The following BCAS3 variants were observed in gnomAD, a reference collection of about 807,000 sequenced individuals.
The protein encoded by BCAS3 is BCAS4/BCAS3 fusion.
In BCAS3, 53 loss-of-function variants were observed where a neutral mutation model predicts 116.1. That is an observed-to-expected ratio of 0.46 (90% CI 0.37 to 0.57). The LOEUF (loss-of-function observed/expected upper bound fraction) is 0.57, where lower values mean the gene tolerates loss of function less well. BCAS3 is among the 20% of genes least tolerant of loss of function. The pLI, the probability that BCAS3 is intolerant of heterozygous loss-of-function variation, is 0.00. For missense variants in BCAS3, 917 were observed against 1,165.4 expected (o/e 0.79, Z 3.10); for synonymous variants, 391 against 408.2 (o/e 0.96, Z 0.51).
chr17:61,176,138 CAAAAAAAA>C (rs534042215), intron 22 of BCAS3, among the ~76,000 whole-genome samples: 2 of 50,040 alleles, frequency 4.0e-5, no homozygotes, highest in African/African-American at 6.6e-5. Context: ...GACCCTATCT[CAAAAAAAA>C]AAAAAAAAAA....
At chr17:61,238,770 C>G (rs1424627991) in intron 22 of BCAS3, among the ~76,000 whole-genome samples, 1 of 151,906 alleles carries the variant, frequency 6.6e-6, no homozygotes, top group Non-Finnish European at 1.5e-5. Context: ...CTTTCCTGTC[C>G]TCTTTGATAT....
At position 61,203,528 on chromosome 17, in the gene BCAS3, G is replaced by A. The variant is rs1311108521; in HGVS notation, c.2425+118964G>A. ...GGGAACCAAAAAGATAGTTTATGAA[G>A]AACTTAACAGTTTCCACATTGCCAT... On this transcript the variant is annotated intron_variant, in intron 22 of 23. Transcript: ENST00000407086. This position sits in a 1 kb window ranked among gnomAD's most constrained non-coding sequence, Gnocchi z 5.7. Among the ~76,000 whole-genome samples the A allele has an allele frequency of 6.6e-6, 1 of 152,118 alleles. No individual in the cohort carries two copies. The highest frequency in any genetic ancestry group is 2.4e-5 in the African/African-American group (1 of 41,418).
At chr17:60,798,287 T>A (rs1399049892) in intron 6 of BCAS3, among the ~76,000 whole-genome samples, 1 of 152,248 alleles carries the variant, frequency 6.6e-6, no homozygotes, top group Non-Finnish European at 1.5e-5. Flanking sequence ...TCCACCATTT[T>A]AGCATCATAC....
At chr17:60,687,577 C>T (rs890427644) in intron 3 of BCAS3, among the ~76,000 whole-genome samples, 2 of 150,392 alleles carry the variant, frequency 1.3e-5, no homozygotes, top group East Asian at 1.9e-4. Context: ...GCACTCCAGC[C>T]GGGGTGACAG....
At chr17:60,736,662 T>G (rs557922671) in intron 5 of BCAS3, among the ~76,000 whole-genome samples, 3 of 152,182 alleles carry the variant, frequency 2.0e-5, no homozygotes, top group African/African-American at 2.4e-5. Flanking sequence ...GCTTTCTATT[T>G]TGGAAGGTTA....
chr17:61,305,427 C>G (rs1443725437), intron 22 of BCAS3, among the ~76,000 whole-genome samples: 2 of 152,148 alleles, frequency 1.3e-5, no homozygotes, highest in South Asian at 4.1e-4. Flanking sequence ...ATTGGTCAGC[C>G]TGGGTTCAAA....
chr17:61,204,771 G>T lies in BCAS3; in HGVS notation c.2425+120207G>T, dbSNP rs2081030935. Among the ~76,000 whole-genome samples, 1 of 152,100 alleles carries T rather than the reference G, an allele frequency of 6.6e-6. No individual in the cohort carries two copies. Among genetic ancestry groups the T allele is most frequent in the Non-Finnish European group, 1.5e-5 (1 of 68,018 alleles). On this transcript the variant is annotated intron_variant, in intron 22 of 23. Transcript: ENST00000407086. The surrounding 1 kb of genome is among the most constrained non-coding windows in gnomAD (Gnocchi z 4.2). The stretch of plus-strand genomic sequence containing the variant: ...AACTCGACAAAAAATTAAAGAATTG[G>T]CCTGGCATGGTGGCTCATGTCTGTA...
chr17:61,199,075 T>C lies in BCAS3; in HGVS notation c.2425+114511T>C, dbSNP rs1384890922. The stretch of plus-strand genomic sequence containing the variant: ...AAAAGTGTCCAGTAGAGTCTGTCCT[T>C]CCTGAGCTTAGTTAAAGCAATTCTT... On this transcript the variant is annotated intron_variant, in intron 22 of 23. Transcript: ENST00000407086. This position sits in a 1 kb window ranked among gnomAD's most constrained non-coding sequence, Gnocchi z 4.6. 6.6e-6 allele frequency among the ~76,000 whole-genome samples: 1 copy of C among 152,230 alleles called. No individual in the cohort carries two copies. The highest frequency in any genetic ancestry group is 1.9e-4 in the East Asian group (1 of 5,200).
At chr17:61,070,639 T>G (rs2071339864) in intron 19 of BCAS3, among the ~76,000 whole-genome samples, 1 of 151,970 alleles carries the variant, frequency 6.6e-6, no homozygotes, top group African/African-American at 2.4e-5. Context: ...TATTTTTACC[T>G]TTTTGTGCCC....
Position 61,007,826 on chromosome 17 carries a change from T to A in BCAS3, c.1487-7925T>A, listed in dbSNP as rs1600420241. ...ACCTACAGTAATGTCTATGGTGACG[T>A]GAACTTTTTACTCAAAGAAAGCAAC... On this transcript the variant is annotated intron_variant, in intron 15 of 23. Coordinates refer to ENST00000407086, the MANE Select transcript of BCAS3 (RefSeq NM_017679.5). The surrounding 1 kb of genome is among the most constrained non-coding windows in gnomAD (Gnocchi z 4.3). Among the ~76,000 whole-genome samples the A allele has an allele frequency of 6.6e-6, 1 of 152,130 alleles. No homozygotes were observed. The highest frequency in any genetic ancestry group is 2.1e-4 in the South Asian group (1 of 4,832).
chr17:61,297,987 G>A (rs934678078), intron 22 of BCAS3, among the ~76,000 whole-genome samples: 2 of 152,148 alleles, frequency 1.3e-5, no homozygotes, highest in African/African-American at 4.8e-5. Flanking sequence ...GGGTCTCCCT[G>A]CAGCTTCATC....
rs1356468874 is a variant in BCAS3 at position 61,043,518 on chromosome 17, G to A, written c.2029+2626G>A. ...AAAAAATAATCGCTCCCTGCCTGGG[G>A]CCATTGCCTGTGTGGAGTTGTCACG... On this transcript the variant is annotated intron_variant, in intron 19 of 23. Coordinates refer to ENST00000407086, the MANE Select transcript of BCAS3 (RefSeq NM_017679.5). Among the ~76,000 whole-genome samples, 2 of 151,968 alleles carry A rather than the reference G, an allele frequency of 1.3e-5. 1 individual carries two copies. The highest frequency in any genetic ancestry group is 2.9e-5 in the Non-Finnish European group (2 of 67,946).
intron 22 of BCAS3, among the ~76,000 whole-genome samples, chr17:61,170,631 A>G (rs1461108585): frequency 1.3e-5 from 2 of 152,200 alleles, no homozygotes; most frequent in African/African-American, 4.8e-5. Context: ...GGTAACAGGC[A>G]GTTAAGGATA....
chr17:60,821,690 A>G (rs1420370032), intron 7 of BCAS3: 1 of 151,462 alleles, frequency 6.6e-6, no homozygotes, highest in Non-Finnish European at 1.5e-5. Context: ...ACATGTATCA[A>G]TAGTTTTTTT....
intron 22 of BCAS3, among the ~76,000 whole-genome samples, chr17:61,209,257 A>C (rs551210213): frequency 6.6e-6 from 1 of 151,882 alleles, no homozygotes; most frequent in East Asian, 1.9e-4. Flanking sequence ...AGTAGGAATG[A>C]CTCTAGAGCC....
intron 22 of BCAS3, among the ~76,000 whole-genome samples, chr17:61,329,191 G>C (rs562020755): frequency 9.9e-5 from 15 of 151,134 alleles, no homozygotes; most frequent in Admixed American, 3.3e-4. Context: ...GCCAAAGCAG[G>C]CTCTTTTTCT....
chr17:61,221,825 C>G (rs560459203), intron 22 of BCAS3, among the ~76,000 whole-genome samples: 6 of 152,308 alleles, frequency 3.9e-5, no homozygotes, highest in African/African-American at 1.4e-4. Flanking sequence ...AGCATAAACC[C>G]TAGCGTTACC....
rs1329109796 is a variant in BCAS3 at position 61,387,717 on chromosome 17, G to A, written c.2594-4260G>A. ...GGGCATGGGGGCCGGTCTTAGTGATGCCGGAGCTGCCAGCACCCTGTGGCC... is the reference window on the plus strand; with the variant it reads ...GGGCATGGGGGCCGGTCTTAGTGATACCGGAGCTGCCAGCACCCTGTGGCC... On this transcript the variant is annotated intron_variant, in intron 23 of 23. Coordinates refer to ENST00000407086, the MANE Select transcript of BCAS3 (RefSeq NM_017679.5). This position sits in a 1 kb window ranked among gnomAD's most constrained non-coding sequence, Gnocchi z 6.2. Among the ~76,000 whole-genome samples the A allele has an allele frequency of 1.3e-5, 2 of 152,222 alleles. No individual in the cohort carries two copies. The highest frequency in any genetic ancestry group is 4.8e-5 in the African/African-American group (2 of 41,446).
intron 1 of BCAS3, among the ~76,000 whole-genome samples, chr17:60,678,141 G>T (rs961994845): frequency 6.6e-6 from 1 of 152,188 alleles, no homozygotes; most frequent in Non-Finnish European, 1.5e-5. Context: ...GGAGACTGGG[G>T]CCTGAGTGGC....
Sources: gnomAD v4.1 joint callset for allele counts (sites outside exome capture counted in the v4.1 genomes callset) on GRCh38, gnomAD v4.1.1 for gene constraint, Gnocchi (gnomAD v3.1) non-coding constraint, MANE v1.5 for transcripts, NCBI Gene and HGNC (gene_info 2026-07-23, HGNC 2026-07-21) for gene names.